RBMS3: variants seen among roughly 807,000 people sequenced by gnomAD.
RBMS3 encodes the protein RNA binding motif single stranded interacting protein 3, also known as RNA-binding motif, single-stranded-interacting protein 3.
Under a neutral mutation model 66.8 loss-of-function variants are expected in RBMS3, and 27 were observed. The ratio of observed to expected loss-of-function variants is 0.40; its 90% CI spans 0.30 to 0.56. The LOEUF (loss-of-function observed/expected upper bound fraction) is 0.56, where lower values mean the gene tolerates loss of function less well. Ranked by LOEUF, RBMS3 falls within the 20% of genes least tolerant of loss-of-function variation. The probability of loss-of-function intolerance (pLI) is 0.40; values close to 1 mark genes in which losing one functional copy is unlikely to be tolerated. For synonymous variants in RBMS3, 188 were observed against 183.0 expected, an observed-to-expected ratio of 1.03 and a Z score of -0.22; for missense variants, 513 against 549.5, an observed-to-expected ratio of 0.93 and a Z score of 0.66.
intron 14 of RBMS3, among the ~76,000 whole-genome samples, chr3:29,992,893 G>A (rs1318063512): frequency 6.6e-6 from 1 of 152,082 alleles, no homozygotes; most frequent in Non-Finnish European, 1.5e-5. Flanking sequence ...GCTAAAACTA[G>A]GCTATAAAGA....
intron 1 of RBMS3, among the ~76,000 whole-genome samples, chr3:29,404,740 GAT>G (rs1283072300): frequency 6.6e-6 from 1 of 152,056 alleles, no homozygotes; most frequent in Non-Finnish European, 1.5e-5. Flanking sequence ...TATTAACAGA[GAT>G]ATGAGTGTTG....
intron 1 of RBMS3, among the ~76,000 whole-genome samples, chr3:29,289,206 A>G (rs958232133): frequency 5.3e-5 from 8 of 151,920 alleles, no homozygotes; most frequent in African/African-American, 1.4e-4. Flanking sequence ...ACAATATATT[A>G]TAGTGGCCTC....
At chr3:29,692,553 C>T (rs773736111) in intron 4 of RBMS3, among the ~76,000 whole-genome samples, 30 of 152,074 alleles carry the variant, frequency 2.0e-4, no homozygotes, top group Non-Finnish European at 3.7e-4. Context: ...TTCTTGTAAA[C>T]GTTACATTAA....
intron 6 of RBMS3, among the ~76,000 whole-genome samples, chr3:29,771,838 C>A (rs1017242567): frequency 1.6e-4 from 25 of 151,948 alleles, no homozygotes; most frequent in Admixed American, 1.6e-3. Context: ...GTGCTACACA[C>A]TTTTTGACAA....
At chr3:29,607,390 TC>T (rs2149127610) in intron 4 of RBMS3, among the ~76,000 whole-genome samples, 1 of 152,014 alleles carries the variant, frequency 6.6e-6, no homozygotes, top group East Asian at 1.9e-4. Context: ...GGTTCCTGTC[TC>T]AAATGGAGCC....
intron 1 of RBMS3, among the ~76,000 whole-genome samples, chr3:29,345,145 TG>T (rs1238704040): frequency 6.6e-6 from 1 of 152,246 alleles, no homozygotes; most frequent in Non-Finnish European, 1.5e-5. Context: ...AGTGAGCTAT[TG>T]ACTGGGGTCC....
intron 10 of RBMS3, among the ~76,000 whole-genome samples, chr3:29,922,888 G>C (rs1179425067): frequency 6.6e-6 from 1 of 152,132 alleles, no homozygotes; most frequent in East Asian, 1.9e-4. Flanking sequence ...ACTTGGATAA[G>C]CTGGCGGTGT....
intron 3 of RBMS3, among the ~76,000 whole-genome samples, chr3:29,566,090 G>A (rs1392444816): frequency 1.3e-5 from 2 of 152,086 alleles, no homozygotes; most frequent in African/African-American, 2.4e-5. Flanking sequence ...TTATTGACTC[G>A]TTCATTCAAT....
chr3:29,787,271 T>A (rs897540626), intron 6 of RBMS3, among the ~76,000 whole-genome samples: 2 of 152,126 alleles, frequency 1.3e-5, no homozygotes, highest in African/African-American at 4.8e-5. Flanking sequence ...GAAAAAAGTG[T>A]GGAGATTCCT....
At chr3:29,507,496 C>A (rs1023638991) in intron 3 of RBMS3, among the ~76,000 whole-genome samples, 7 of 119,842 alleles carry the variant, frequency 5.8e-5, no homozygotes, top group Admixed American at 2.6e-4. Flanking sequence ...ATATTAATTG[C>A]GAAAAAAAAA....
chr3:29,761,278 T>TAC, intron 5 of RBMS3, among the ~76,000 whole-genome samples: 2 of 151,920 alleles, frequency 1.3e-5, no homozygotes, highest in South Asian at 4.2e-4. Flanking sequence ...TTCATAAGAA[T>TAC]GTACATCTGA....
At chr3:29,370,873 T>A (rs992724733) in intron 1 of RBMS3, among the ~76,000 whole-genome samples, 13 of 152,184 alleles carry the variant, frequency 8.5e-5, no homozygotes, top group African/African-American at 2.7e-4. Context: ...TGATGTCTGT[T>A]TGAAGTCTCC....
At chr3:29,696,577 G>T (rs1057482649) in intron 4 of RBMS3, among the ~76,000 whole-genome samples, 1 of 152,242 alleles carries the variant, frequency 6.6e-6, no homozygotes, top group Non-Finnish European at 1.5e-5. Flanking sequence ...ATGACTGCTG[G>T]CTCCTCTTTT....
intron 1 of RBMS3, among the ~76,000 whole-genome samples, chr3:29,424,370 G>A (rs149360115): frequency 3.3e-5 from 5 of 152,294 alleles, no homozygotes; most frequent in African/African-American, 1.2e-4. Flanking sequence ...TAAATATTAA[G>A]TCACTGTAGA....
At chr3:29,940,126 G>A (rs2061355521) in intron 11 of RBMS3, among the ~76,000 whole-genome samples, 1 of 151,776 alleles carries the variant, frequency 6.6e-6, no homozygotes, top group South Asian at 2.1e-4. Context: ...ATAGACATTG[G>A]TCAAATACAT....
At chr3:29,944,891 T>C (rs73049025) in intron 12 of RBMS3, among the ~76,000 whole-genome samples, 7,875 of 151,846 alleles carry the variant, frequency 0.052, 315 homozygotes, top group Middle Eastern at 0.082. Flanking sequence ...GGGTTTTAAC[T>C]AGCAATATTT....
chr3:29,731,461 T>G (rs953472725), intron 4 of RBMS3, among the ~76,000 whole-genome samples: 2 of 152,104 alleles, frequency 1.3e-5, no homozygotes, highest in Admixed American at 6.5e-5. Flanking sequence ...AGAAGACAAT[T>G]GAAAATATAG....
At chr3:29,998,129 ACAAACAGC>A (rs1699371830) in intron 14 of RBMS3, among the ~76,000 whole-genome samples, 1 of 152,204 alleles carries the variant, frequency 6.6e-6, no homozygotes, top group African/African-American at 2.4e-5. Context: ...CCAATAACAG[ACAAACAGC>A]CAAATCATGA....
chr3:29,281,706 C>A lies in RBMS3; in HGVS notation c.25C>A (p.Gln9Lys). MGKRLDQP[Q>K]MYPQYTYYYP... ...CATGGGCAAACGCCTGGATCAGCCA[C>A]AAATGTACCCCCAGTACACTTACTA... Residue 9 changes from glutamine (Q) to lysine (K), a missense_variant, in exon 1 of 15, where the codon CAA (glutamine) becomes AAA (lysine). By Grantham distance (53) the Gln-to-Lys change is moderately conservative. Transcript: ENST00000383767. The A allele has an allele frequency of 6.2e-7, 1 of 1,613,636 alleles. No individual in the cohort carries two copies. The highest frequency in any genetic ancestry group is 8.5e-7 in the Non-Finnish European group (1 of 1,179,738).
Sources: allele counts gnomAD v4.1 joint callset (sites outside exome capture counted in the v4.1 genomes callset), GRCh38; gene constraint gnomAD v4.1.1; transcripts MANE v1.5; gene names NCBI Gene and HGNC (gene_info 2026-07-23, HGNC 2026-07-21).